AUTS2: variants seen among roughly 807,000 people sequenced by gnomAD.
AUTS2 encodes autism susceptibility gene 2 protein.
Under a neutral mutation model 112.4 loss-of-function variants are expected in AUTS2, and 17 were observed. That is an observed-to-expected ratio of 0.15 (90% CI 0.10 to 0.23). AUTS2 has a LOEUF of 0.23. AUTS2 is among the 10% of genes least tolerant of loss of function. The probability of loss-of-function intolerance (pLI) is 1.00; values close to 1 mark genes in which losing one functional copy is unlikely to be tolerated. For synonymous variants in AUTS2, 751 were observed against 702.7 expected (o/e 1.07, Z -1.09); for missense variants, 1,510 against 1,701.6 (o/e 0.89, Z 1.98).
chr7:70,428,871 A>G (rs1795536965), intron 4 of AUTS2, among the ~76,000 whole-genome samples: 1 of 152,244 alleles, frequency 6.6e-6, no homozygotes, highest in Non-Finnish European at 1.5e-5. Flanking sequence ...TGAAACAGAG[A>G]GATGTCACAG....
chr7:70,003,861 TATATA>T lies in AUTS2; in HGVS notation c.522+104369_522+104373del, dbSNP rs947445047. Among the ~76,000 whole-genome samples the T allele has an allele frequency of 4.4e-5, 4 of 90,606 alleles. 1 individual carries two copies. The highest frequency in any genetic ancestry group is 2.1e-4 in the African/African-American group (4 of 19,194). The allele number at this position is 90,606 out of a possible 152,430, so 59.4% of individuals were successfully genotyped here. ...TATGAATGTGTTATATATGAATATA[TATATA>T]ATATATGAATGTGTTATATATGAAT... is the stretch of plus-strand genomic sequence containing the variant. On this transcript the variant is annotated intron_variant, in intron 2 of 18. Coordinates refer to ENST00000342771, the MANE Select transcript of AUTS2 (RefSeq NM_015570.4).
At chr7:69,922,062 C>A (rs991370036) in intron 2 of AUTS2, among the ~76,000 whole-genome samples, 5 of 150,136 alleles carry the variant, frequency 3.3e-5, no homozygotes, top group African/African-American at 1.2e-4. Context: ...GAAACTCTGT[C>A]TCAAAAAAAG....
At chr7:70,380,721 A>T (rs940198951) in intron 4 of AUTS2, among the ~76,000 whole-genome samples, 1 of 152,230 alleles carries the variant, frequency 6.6e-6, no homozygotes, top group Non-Finnish European at 1.5e-5. Context: ...AAATGGGTAA[A>T]TATCAAATTG....
At chr7:69,734,755 C>G (rs1786954788) in intron 1 of AUTS2, among the ~76,000 whole-genome samples, 1 of 151,808 alleles carries the variant, frequency 6.6e-6, no homozygotes, top group South Asian at 2.1e-4. Flanking sequence ...CCACTTAGTA[C>G]CACTAATGCC....
At chr7:69,972,777 G>T (rs1313401691) in intron 2 of AUTS2, among the ~76,000 whole-genome samples, 1 of 151,656 alleles carries the variant, frequency 6.6e-6, no homozygotes, top group Non-Finnish European at 1.5e-5. Flanking sequence ...AATTGTTCTT[G>T]TACCTTTGTC....
chr7:70,315,707 C>T (rs1789962179), intron 4 of AUTS2, among the ~76,000 whole-genome samples: 1 of 152,168 alleles, frequency 6.6e-6, no homozygotes, highest in South Asian at 2.1e-4. Flanking sequence ...CACAGATGTC[C>T]ATTTGACCTC....
At position 70,774,611 on chromosome 7, in the gene AUTS2, T is replaced by C. The variant is rs529722212; in HGVS notation, c.1902+512T>C. Among the ~76,000 whole-genome samples the C allele has an allele frequency of 2.6e-5, 4 of 152,344 alleles. No individual in the cohort carries two copies. In the East Asian group the frequency reaches 7.7e-4, roughly 29 times the overall value. On this transcript the variant is annotated intron_variant, in intron 12 of 18. Transcript: ENST00000342771. ...TTGTACTCTAGAGCTAAATAAAATA[T>C]CCATTATGCTTTGGTTATGTTGTTT...
intron 4 of AUTS2, among the ~76,000 whole-genome samples, chr7:70,196,637 T>G (rs1056510154): frequency 1.3e-5 from 2 of 152,236 alleles, no homozygotes; most frequent in African/African-American, 4.8e-5. Flanking sequence ...TGCACTGATG[T>G]GTATGAAATT....
At chr7:70,217,364 C>T (rs1227578913) in intron 4 of AUTS2, among the ~76,000 whole-genome samples, 1 of 152,078 alleles carries the variant, frequency 6.6e-6, no homozygotes, top group East Asian at 1.9e-4. Flanking sequence ...TAGAAGGAAA[C>T]TGAAGTTTAC....
At chr7:70,006,409 G>A (rs1447486808) in intron 2 of AUTS2, among the ~76,000 whole-genome samples, 1 of 152,096 alleles carries the variant, frequency 6.6e-6, no homozygotes, top group Non-Finnish European at 1.5e-5. Flanking sequence ...GCTTTCAGAT[G>A]TTGTCTGAAC....
chr7:70,751,226 T>C (rs1470438261), intron 6 of AUTS2, among the ~76,000 whole-genome samples: 1 of 152,122 alleles, frequency 6.6e-6, no homozygotes, highest in Non-Finnish European at 1.5e-5. Flanking sequence ...GCTTCTCGGA[T>C]GAAGGTGTTA....
At chr7:69,701,106 C>T (rs1797783558) in intron 1 of AUTS2, among the ~76,000 whole-genome samples, 1 of 152,154 alleles carries the variant, frequency 6.6e-6, no homozygotes, top group South Asian at 2.1e-4. Flanking sequence ...TTGTACCTCA[C>T]TCTCTCCCTG....
intron 5 of AUTS2, among the ~76,000 whole-genome samples, chr7:70,551,352 T>C (rs548965315): frequency 3.0e-4 from 46 of 151,976 alleles, no homozygotes; most frequent in Non-Finnish European, 6.0e-4. Context: ...GGAGAGACCT[T>C]CAACCTGGTG....
At chr7:70,068,015 A>G (rs1338321403) in intron 2 of AUTS2, among the ~76,000 whole-genome samples, 1 of 152,178 alleles carries the variant, frequency 6.6e-6, no homozygotes, top group African/African-American at 2.4e-5. Context: ...TATTTGCTAT[A>G]TCTTAATTTT....
At chr7:70,746,171 G>C (rs1010211881) in intron 6 of AUTS2, among the ~76,000 whole-genome samples, 3 of 152,156 alleles carry the variant, frequency 2.0e-5, no homozygotes, top group African/African-American at 7.2e-5. Context: ...TTTTGAGACA[G>C]AGTCTCACTC....
intron 1 of AUTS2, among the ~76,000 whole-genome samples, chr7:69,704,344 C>T (rs1797959280): frequency 6.6e-6 from 1 of 151,784 alleles, no homozygotes; most frequent in African/African-American, 2.4e-5. Flanking sequence ...GTGGTGCGAT[C>T]TCTGCTCACT....
Position 69,776,076 on chromosome 7 carries a change from GGTT to G in AUTS2, c.310-123206_310-123204del, listed in dbSNP as rs764319687. On this transcript the variant is annotated intron_variant, in intron 1 of 18. Transcript: ENST00000342771. ...TACTTAGTTGGTCTTTGTTTCTATT[GGTT>G]GTTTTTGCATGTGTCGTGGTTATCG... Among the ~76,000 whole-genome samples the G allele has an allele frequency of 3.4e-4, 51 of 152,162 alleles. No individual in the cohort carries two copies. The East Asian group carries it at 9.3e-3, about 28-fold the overall frequency.
chr7:70,049,830 C>A (rs1377473278), intron 2 of AUTS2, among the ~76,000 whole-genome samples: 2 of 151,620 alleles, frequency 1.3e-5, no homozygotes, highest in East Asian at 3.9e-4. Flanking sequence ...ATAGCAAGAC[C>A]CTGTGTCTAC....
intron 6 of AUTS2, among the ~76,000 whole-genome samples, chr7:70,721,074 T>C (rs1311649448): frequency 1.4e-5 from 2 of 140,906 alleles, no homozygotes; most frequent in African/African-American, 5.0e-5. Flanking sequence ...TTCTAAAACA[T>C]TGAGTTTTTT....
Sources: gnomAD v4.1 joint callset for allele counts (sites outside exome capture counted in the v4.1 genomes callset) on GRCh38, gnomAD v4.1.1 for gene constraint, MANE v1.5 for transcripts, NCBI Gene and HGNC (gene_info 2026-07-23, HGNC 2026-07-21) for gene names.